Variants in NDST1 observed in about 807,000 individuals in gnomAD.
The protein encoded by NDST1 is bifunctional heparan sulfate N-deacetylase/N-sulfotransferase 1.
A neutral mutation model predicts 92.8 loss-of-function variants in NDST1; 35 were observed. The observed-to-expected ratio is 0.38, with a 90% CI of 0.29 to 0.50. NDST1 has a LOEUF of 0.50. Among genes scored for constraint, NDST1 ranks in the 20% least tolerant of loss-of-function variants. NDST1 has a pLI of 0.94. For missense variants in NDST1, 822 were observed against 1,182.7 expected (o/e 0.69, Z 4.47); for synonymous variants, 493 against 500.3 (o/e 0.99, Z 0.19).
chr5:150,504,065 G>T (rs1753345899), upstream of NDST1, among the ~76,000 whole-genome samples: 1 of 152,144 alleles, frequency 6.6e-6, no homozygotes. Flanking sequence ...CCGTGGAGAG[G>T]TTGACAATGG....
chr5:150,520,758 CG>C (rs1754210817), intron 1 of NDST1, 109 bp from the exon 2 acceptor site: 1 of 395,018 alleles, frequency 2.5e-6, no homozygotes, highest in Non-Finnish European at 4.5e-6. Context: ...AACCTTGGTT[CG>C]GCAGCCGTAC....
At position 150,520,972 on chromosome 5, in the gene NDST1, T is replaced by TG. The variant is rs1754220450; in HGVS notation, c.-279dup. The TG allele has an allele frequency of 5.3e-6, 3 of 560,928 alleles. No individual in the cohort carries two copies. The highest frequency in any genetic ancestry group is 2.9e-5 in the East Asian group (1 of 34,556). The allele number at this position is 560,928 out of a possible 1,614,324, so 34.7% of individuals were successfully genotyped here. On this transcript the variant is annotated 5_prime_UTR_variant, in exon 2 of 15. Transcript: ENST00000261797. ...GCACCCCCAGAAGGCCCTGACGCCC[T>TG]GGGGCACTTCTGCTCTGCACAGGAC... is the stretch of plus-strand genomic sequence containing the variant.
chr5:150,541,158 A>G (rs1183647714), intron 8 of NDST1, among the ~76,000 whole-genome samples: 1 of 152,238 alleles, frequency 6.6e-6, no homozygotes, highest in Non-Finnish European at 1.5e-5. Flanking sequence ...TCTACTGTCT[A>G]TAGCTGCTTT....
At chr5:150,520,405 A>G (rs1581364662) in intron 1 of NDST1, among the ~76,000 whole-genome samples, 2 of 152,022 alleles carry the variant, frequency 1.3e-5, no homozygotes, top group East Asian at 3.9e-4. Context: ...AAAGAGAGCA[A>G]CGGGTTAGGA....
chr5:150,513,858 A>G (rs572246281), intron 1 of NDST1, among the ~76,000 whole-genome samples: 1 of 152,078 alleles, frequency 6.6e-6, no homozygotes, highest in South Asian at 2.1e-4. Context: ...TCAGGTGGGG[A>G]TGTTAGATAG....
chr5:150,529,188 T>C (rs930849446), intron 3 of NDST1, among the ~76,000 whole-genome samples: 3 of 151,890 alleles, frequency 2.0e-5, no homozygotes, highest in Non-Finnish European at 4.4e-5. Context: ...GCCCAGGAGT[T>C]TGAGACCAGC....
At position 150,521,604 on chromosome 5, in the gene NDST1, C is replaced by T. The variant is rs868757423; in HGVS notation, c.350C>T (p.Pro117Leu). The change falls in exon 2 of 15, where the codon CCG becomes CTG. Residue 117 changes from proline (P) to leucine (L), a missense_variant. Pro to Leu is a moderately conservative substitution (Grantham distance 98, BLOSUM62 -3). Transcript: ENST00000261797. The surrounding 1 kb of genome is among the most constrained non-coding windows in gnomAD (Gnocchi z 5.9). Reference sequence around the variant, plus strand: ...TTCAAATACCGCACAGAGATTGCGCCGGGCAAGGGTGACATGCCCACGCTC... The same window carrying T: ...TTCAAATACCGCACAGAGATTGCGCTGGGCAAGGGTGACATGCCCACGCTC... Reference protein sequence around the residue: ...SRFKYRTEIAPGKGDMPTLTD... With the variant: ...SRFKYRTEIALGKGDMPTLTD... The T allele has an allele frequency of 5.6e-6, 9 of 1,614,032 alleles. No individual in the cohort carries two copies. Among genetic ancestry groups the T allele is most frequent in the Non-Finnish European group, 7.6e-6 (9 of 1,180,032 alleles).
At chr5:150,524,052 T>C (rs1469682203) in intron 2 of NDST1, among the ~76,000 whole-genome samples, 2 of 152,190 alleles carry the variant, frequency 1.3e-5, no homozygotes, top group Non-Finnish European at 2.9e-5. Flanking sequence ...TGAAAACTCA[T>C]TTTCCAGTTC....
intron 6 of NDST1, 49 bp from the exon 7 acceptor site, chr5:150,539,179 C>A (rs1027399933): frequency 6.7e-7 from 1 of 1,486,838 alleles, no homozygotes; most frequent in Non-Finnish European, 9.4e-7. Flanking sequence ...CCTCCCACCA[C>A]CCTCATGCCA....
chr5:150,535,380 G>T lies in NDST1; in HGVS notation c.1252-320G>T, dbSNP rs145747493. On this transcript the variant is annotated intron_variant, in intron 5 of 14. Transcript: ENST00000261797. ...GGGAACGAGCCCTAGGTGCTAGGTA[G>T]AATGAAGAGAAGGTAGGAAAGGCCC... 49 of 985,404 alleles carry T rather than the reference G, an allele frequency of 5.0e-5. No homozygotes were observed. The African/African-American group carries it at 8.0e-4, about 16-fold the overall frequency. The allele number at this position is 985,404 out of a possible 1,614,324, so 61.0% of individuals were successfully genotyped here.
At chr5:150,551,451 A>G (rs183624671) in intron 13 of NDST1, among the ~76,000 whole-genome samples, 171 of 152,210 alleles carry the variant, frequency 1.1e-3, no homozygotes, top group African/African-American at 3.9e-3. Flanking sequence ...ATTTCCCAGA[A>G]CACTGAAGGA....
At chr5:150,513,746 A>G (rs1007091766) in intron 1 of NDST1, among the ~76,000 whole-genome samples, 2 of 152,204 alleles carry the variant, frequency 1.3e-5, no homozygotes, top group African/African-American at 4.8e-5. Flanking sequence ...CACAGGCCCA[A>G]GCCGGACCCC....
chr5:150,519,728 G>T (rs564829367), intron 1 of NDST1, among the ~76,000 whole-genome samples: 5 of 152,212 alleles, frequency 3.3e-5, no homozygotes, highest in Non-Finnish European at 7.3e-5. Context: ...TCCTTGGGTT[G>T]CTGGGAAATC....
intron 7 of NDST1, 76 bp downstream of exon 7, chr5:150,539,432 C>T (rs1242393407): frequency 6.2e-7 from 1 of 1,609,308 alleles, no homozygotes; most frequent in Non-Finnish European, 8.5e-7. Flanking sequence ...CACAGGCTTC[C>T]TGGAGCCAGG....
chr5:150,547,403 C>T (rs534236208), intron 11 of NDST1, among the ~76,000 whole-genome samples: 15 of 152,112 alleles, frequency 9.9e-5, no homozygotes, highest in Non-Finnish European at 2.2e-4. Flanking sequence ...AGGGGGTTGG[C>T]GGCTGGGGGA....
intron 10 of NDST1, 42 bp from the exon 11 acceptor site, chr5:150,545,270 C>T (rs1755430613): frequency 3.7e-6 from 6 of 1,611,836 alleles, no homozygotes; most frequent in Non-Finnish European, 5.1e-6. Context: ...GCCCCCTCCT[C>T]ATGAGTTTTG....
upstream of NDST1, chr5:150,508,123 CA>C (rs1753545886): frequency 6.6e-6 from 1 of 152,434 alleles, no homozygotes; most frequent in African/African-American, 2.4e-5. Context: ...ACAGTAATGC[CA>C]TTTTTCCTGG....
At chr5:150,511,253 G>A (rs1327411773) in intron 1 of NDST1, among the ~76,000 whole-genome samples, 1 of 152,242 alleles carries the variant, frequency 6.6e-6, no homozygotes, top group East Asian at 1.9e-4. Context: ...CAGAGGGGAA[G>A]GTAATTGGCA....
chr5:150,527,761 A>T (rs1271287567), intron 2 of NDST1, 43 bp from the exon 3 acceptor site: 1 of 1,609,116 alleles, frequency 6.2e-7, no homozygotes, highest in African/African-American at 1.3e-5. Context: ...GGGGTTCTGG[A>T]TGTGACAGTT....
Sources: gnomAD v4.1 joint callset for allele counts (sites outside exome capture counted in the v4.1 genomes callset) on GRCh38, gnomAD v4.1.1 for gene constraint, Gnocchi (gnomAD v3.1) non-coding constraint, MANE v1.5 for transcripts, NCBI Gene and HGNC (gene_info 2026-07-23, HGNC 2026-07-21) for gene names.